Variants in GRIN2A observed in about 807,000 individuals in gnomAD.
GRIN2A encodes glutamate receptor ionotropic, NMDA 2A.
Under a neutral mutation model 113.4 loss-of-function variants are expected in GRIN2A, and 22 were observed. That is an observed-to-expected ratio of 0.19 (90% CI 0.14 to 0.28). The LOEUF (loss-of-function observed/expected upper bound fraction) is 0.28, where lower values mean the gene tolerates loss of function less well. Among genes scored for constraint, GRIN2A ranks in the 10% least tolerant of loss-of-function variants. The pLI, the probability that GRIN2A is intolerant of heterozygous loss-of-function variation, is 1.00. For missense variants in GRIN2A, 1,502 were observed against 1,887.0 expected (o/e 0.80, Z 3.78); for synonymous variants, 827 against 738.4 (o/e 1.12, Z -1.94).
At chr16:9,851,060 C>G (rs921824376) in intron 4 of GRIN2A, among the ~76,000 whole-genome samples, 8 of 152,220 alleles carry the variant, frequency 5.3e-5, no homozygotes, top group Admixed American at 4.6e-4. Flanking sequence ...ACCAGACCCA[C>G]TCACCTCTCC....
intron 4 of GRIN2A, among the ~76,000 whole-genome samples, chr16:9,867,458 T>C (rs751145014): frequency 6.6e-6 from 1 of 152,158 alleles, no homozygotes; most frequent in Non-Finnish European, 1.5e-5. Flanking sequence ...TCTGCACACA[T>C]GTCTTTCTTC....
At chr16:10,119,896 G>A (rs1343842120) in intron 2 of GRIN2A, among the ~76,000 whole-genome samples, 1 of 152,112 alleles carries the variant, frequency 6.6e-6, no homozygotes, top group Non-Finnish European at 1.5e-5. Flanking sequence ...CATCCATGTT[G>A]CTGCAAAGTA....
At chr16:9,790,885 G>A (rs556980292) in intron 11 of GRIN2A, among the ~76,000 whole-genome samples, 1 of 152,332 alleles carries the variant, frequency 6.6e-6, no homozygotes, top group South Asian at 2.1e-4. Flanking sequence ...TAAGGGAACA[G>A]CAACAGGGGT....
rs1399742756 is a variant in GRIN2A at position 10,108,828 on chromosome 16, T to C, written c.414+71170A>G. On this transcript the variant is annotated intron_variant, in intron 2 of 12. Transcript: ENST00000330684. ...GTAACATAGAAGCAAAAAAAGCACA[T>C]AACACATAAAATAATTACACATAGA... is the stretch of plus-strand genomic sequence containing the variant. Among the ~76,000 whole-genome samples the C allele has an allele frequency of 2.6e-5, 4 of 151,944 alleles. No homozygotes were observed. In the East Asian group the frequency reaches 5.8e-4, roughly 22 times the overall value.
intron 2 of GRIN2A, among the ~76,000 whole-genome samples, chr16:10,025,113 G>A (rs1427016303): frequency 1.3e-5 from 2 of 151,744 alleles, no homozygotes; most frequent in Non-Finnish European, 2.9e-5. Context: ...AAAGAAGAGA[G>A]GAATGAGTAA....
intron 2 of GRIN2A, among the ~76,000 whole-genome samples, chr16:10,007,861 G>A (rs1348975540): frequency 1.3e-5 from 2 of 152,086 alleles, no homozygotes; most frequent in Non-Finnish European, 2.9e-5. Context: ...TAAGAACACA[G>A]GAGGACTTTA....
intron 3 of GRIN2A, among the ~76,000 whole-genome samples, chr16:9,933,843 T>C (rs1042877494): frequency 6.6e-6 from 1 of 152,236 alleles, no homozygotes; most frequent in Non-Finnish European, 1.5e-5. Flanking sequence ...ATTATCTTCA[T>C]AGAGGGATTT....
intron 2 of GRIN2A, among the ~76,000 whole-genome samples, chr16:10,013,697 C>T (rs1234933854): frequency 3.3e-5 from 5 of 152,196 alleles, no homozygotes; most frequent in African/African-American, 9.6e-5. Context: ...GCAAGGACAG[C>T]GAAACCATGA....
At chr16:9,944,467 A>ATCC (rs934015939) in intron 2 of GRIN2A, among the ~76,000 whole-genome samples, 1 of 151,704 alleles carries the variant, frequency 6.6e-6, no homozygotes, top group African/African-American at 2.4e-5. Context: ...CATCACATCC[A>ATCC]TCCTCCTCCT....
intron 3 of GRIN2A, among the ~76,000 whole-genome samples, chr16:9,897,815 G>A (rs530565259): frequency 1.3e-5 from 2 of 152,156 alleles, no homozygotes; most frequent in East Asian, 3.9e-4. Context: ...TTTTTAACTG[G>A]TAGACTGTAA....
intron 2 of GRIN2A, among the ~76,000 whole-genome samples, chr16:9,982,753 A>C (rs2045914698): frequency 6.6e-6 from 1 of 152,190 alleles, no homozygotes; most frequent in Non-Finnish European, 1.5e-5. Context: ...TTTGACCTGT[A>C]GTCTTTGGTA....
intron 2 of GRIN2A, among the ~76,000 whole-genome samples, chr16:10,073,194 G>A (rs558063602): frequency 2.6e-5 from 4 of 152,130 alleles, no homozygotes; most frequent in Non-Finnish European, 5.9e-5. Context: ...GACCTCAAAT[G>A]ATTCACTTGC....
intron 4 of GRIN2A, among the ~76,000 whole-genome samples, chr16:9,865,783 A>C (rs2043151477): frequency 1.3e-5 from 2 of 152,320 alleles, no homozygotes; most frequent in South Asian, 4.1e-4. Context: ...CCACAGCCCA[A>C]GGGCAAGCTG....
At chr16:9,948,550 G>A (rs1258736218) in intron 2 of GRIN2A, among the ~76,000 whole-genome samples, 1 of 152,204 alleles carries the variant, frequency 6.6e-6, no homozygotes, top group African/African-American at 2.4e-5. Flanking sequence ...GGGAGGACTA[G>A]GCAATGACAT....
At chr16:10,079,537 G>T (rs926631587) in intron 2 of GRIN2A, among the ~76,000 whole-genome samples, 1 of 152,142 alleles carries the variant, frequency 6.6e-6, no homozygotes, top group Admixed American at 6.5e-5. Flanking sequence ...GGTCATGAGG[G>T]CCAAGCCCTC....
intron 11 of GRIN2A, among the ~76,000 whole-genome samples, chr16:9,797,580 G>A (rs1903079220): frequency 6.6e-6 from 1 of 152,164 alleles, no homozygotes; most frequent in Non-Finnish European, 1.5e-5. Context: ...AACATGAGTT[G>A]CCATGTTGGT....
intron 2 of GRIN2A, among the ~76,000 whole-genome samples, chr16:10,116,644 A>G (rs139672371): frequency 9.2e-5 from 14 of 152,216 alleles, no homozygotes; most frequent in African/African-American, 3.1e-4. Context: ...GAAAAATAAG[A>G]CAGGAAAGGA....
At chr16:9,777,696 A>G (rs371780342) in intron 11 of GRIN2A, among the ~76,000 whole-genome samples, 2 of 152,214 alleles carry the variant, frequency 1.3e-5, no homozygotes, top group African/African-American at 4.8e-5. Flanking sequence ...GCAGGATTTC[A>G]CAGGCCACGT....
chr16:9,834,690 A>AT (rs575386124), intron 7 of GRIN2A, among the ~76,000 whole-genome samples: 9 of 152,326 alleles, frequency 5.9e-5, no homozygotes, highest in African/African-American at 2.2e-4. Flanking sequence ...CCAGCCAGAC[A>AT]TTTTTTATTC....
Sources: allele counts gnomAD v4.1 joint callset (sites outside exome capture counted in the v4.1 genomes callset), GRCh38; gene constraint gnomAD v4.1.1; transcripts MANE v1.5; gene names NCBI Gene and HGNC (gene_info 2026-07-23, HGNC 2026-07-21).